SNX25: variants seen among roughly 807,000 people sequenced by gnomAD.
The protein encoded by SNX25 is sorting nexin 25.
In SNX25, 62 loss-of-function variants were observed where a neutral mutation model predicts 113.7. That is an observed-to-expected ratio of 0.55 (90% CI 0.44 to 0.67). The LOEUF (loss-of-function observed/expected upper bound fraction) is 0.67, where lower values mean the gene tolerates loss of function less well. SNX25 is among the 30% of genes least tolerant of loss of function. The pLI is 0.00. For missense variants in SNX25, 1,014 were observed against 1,161.0 expected (o/e 0.87, Z 1.84); for synonymous variants, 421 against 436.2 (o/e 0.97, Z 0.43).
intron 2 of SNX25, among the ~76,000 whole-genome samples, chr4:185,248,424 G>A (rs1464459643): frequency 3.3e-5 from 5 of 152,140 alleles, no homozygotes; most frequent in Non-Finnish European, 7.4e-5. Flanking sequence ...TTGGGAGACC[G>A]AGGTGGGTGA....
At chr4:185,370,579 T>C (rs2095411421), downstream of SNX25, 2 of 1,544,540 alleles carry the variant, frequency 1.3e-6, no homozygotes, top group South Asian at 1.2e-5. Flanking sequence ...ACTATTCAAG[T>C]TGCAGCTAAA....
At chr4:185,320,892 TA>T (rs1246951425) in intron 8 of SNX25, 28 bp downstream of exon 8, 6 of 1,544,506 alleles carry the variant, frequency 3.9e-6, no homozygotes, top group Non-Finnish European at 5.2e-6. Flanking sequence ...AAAGGAATAT[TA>T]ATCACTAGCT....
chr4:185,283,821 A>T (rs1255216599), intron 5 of SNX25, among the ~76,000 whole-genome samples: 2 of 152,182 alleles, frequency 1.3e-5, no homozygotes, highest in East Asian at 3.8e-4. Flanking sequence ...TAAAATATCT[A>T]AACAGGTACC....
chr4:185,278,712 G>C (rs888541452), intron 5 of SNX25, among the ~76,000 whole-genome samples: 3 of 152,168 alleles, frequency 2.0e-5, no homozygotes, highest in African/African-American at 7.2e-5. Context: ...TTTCAATATA[G>C]AACATAAAAC....
intron 5 of SNX25, among the ~76,000 whole-genome samples, chr4:185,274,964 T>C (rs1749451889): frequency 6.6e-6 from 1 of 152,160 alleles, no homozygotes; most frequent in Non-Finnish European, 1.5e-5. Context: ...AAAACAGCAG[T>C]GACACAGGGC....
chr4:185,375,615 C>A, the SNX25 span: 3 of 1,549,402 alleles, frequency 1.9e-6, no homozygotes, highest in African/African-American at 1.4e-5. Flanking sequence ...TAACTTACAG[C>A]GTCTAGAGTG....
intron 8 of SNX25, among the ~76,000 whole-genome samples, chr4:185,322,139 T>C (rs1362699828): frequency 6.6e-6 from 1 of 152,126 alleles, no homozygotes; most frequent in Non-Finnish European, 1.5e-5. Context: ...TTTATTAAAA[T>C]AAGTACCAAG....
downstream of SNX25, chr4:185,374,606 G>A (rs934222796): frequency 1.7e-5 from 14 of 819,054 alleles, no homozygotes; most frequent in Non-Finnish European, 2.6e-5. Context: ...CAATTGTCCT[G>A]GATTCTGCAG....
chr4:185,315,401 C>T (rs929693175), intron 7 of SNX25, among the ~76,000 whole-genome samples: 1 of 149,470 alleles, frequency 6.7e-6, no homozygotes, highest in African/African-American at 2.5e-5. Context: ...TCAAGCAATT[C>T]TCCTCCCTCA....
intron 2 of SNX25, among the ~76,000 whole-genome samples, chr4:185,256,094 C>T (rs932876266): frequency 1.3e-5 from 2 of 152,144 alleles, no homozygotes; most frequent in South Asian, 4.2e-4. Context: ...TTTGTTTTAC[C>T]TTCCTTTTTG....
chr4:185,344,411 T>C (rs1177202376), intron 12 of SNX25, among the ~76,000 whole-genome samples: 1 of 152,168 alleles, frequency 6.6e-6, no homozygotes, highest in Non-Finnish European at 1.5e-5. Flanking sequence ...CAGAGGTGTC[T>C]GGTCCGTATC....
At chr4:185,244,698 T>A (rs910690634) in intron 1 of SNX25, among the ~76,000 whole-genome samples, 1 of 152,220 alleles carries the variant, frequency 6.6e-6, no homozygotes, top group African/African-American at 2.4e-5. Flanking sequence ...TTTAAAAAAT[T>A]CCTTTGGAAA....
chr4:185,206,322 C>T (rs1460649500), upstream of SNX25, among the ~76,000 whole-genome samples: 1 of 152,168 alleles, frequency 6.6e-6, no homozygotes, highest in Non-Finnish European at 1.5e-5. Context: ...CAGCCCATGA[C>T]TTGTGCGCCT....
chr4:185,233,296 A>AT (rs1437131776), intron 1 of SNX25, among the ~76,000 whole-genome samples: 1 of 147,896 alleles, frequency 6.8e-6, no homozygotes, highest in Non-Finnish European at 1.5e-5. Context: ...AAAAAAAAAA[A>AT]GAATAAATGA....
chr4:185,298,120 A>C (rs1753103293), intron 6 of SNX25, among the ~76,000 whole-genome samples: 1 of 122,542 alleles, frequency 8.2e-6, no homozygotes, highest in African/African-American at 3.1e-5. Flanking sequence ...ATGGAGTCTC[A>C]CTCTGTCACC....
chr4:185,362,167 G>A (rs1202524280), intron 17 of SNX25, 62 bp downstream of exon 17: 5 of 1,480,616 alleles, frequency 3.4e-6, no homozygotes, highest in East Asian at 2.5e-5. Flanking sequence ...ACCCCACTGA[G>A]GTGATTTTCA....
intron 6 of SNX25, among the ~76,000 whole-genome samples, chr4:185,300,445 G>A (rs186772286): frequency 3.5e-4 from 53 of 151,576 alleles, no homozygotes; most frequent in Admixed American, 1.1e-3. Flanking sequence ...TGGGATTACA[G>A]GTGTGAGCCA....
intron 5 of SNX25, among the ~76,000 whole-genome samples, chr4:185,275,299 G>A (rs3108224): frequency 0.42 from 64,233 of 152,026 alleles, 13,737 homozygotes; most frequent in East Asian, 0.56. Flanking sequence ...TGGCTGAAAG[G>A]TTTAAAATTC....
chr4:185,372,605 C>T (rs558193869), downstream of SNX25, among the ~76,000 whole-genome samples: 3 of 152,286 alleles, frequency 2.0e-5, no homozygotes, highest in South Asian at 6.2e-4. Flanking sequence ...GTGATCGTAT[C>T]AAGAGGTGGG....
Sources: gnomAD v4.1 joint callset for allele counts (sites outside exome capture counted in the v4.1 genomes callset) on GRCh38, gnomAD v4.1.1 for gene constraint, MANE v1.5 for transcripts, NCBI Gene and HGNC (gene_info 2026-07-23, HGNC 2026-07-21) for gene names.